The following NSUN4 variants were observed in gnomAD, a reference collection of about 807,000 sequenced individuals.
NSUN4 encodes the protein NOP2/Sun RNA methyltransferase 4.
NSUN4 carries 31 observed loss-of-function variants against 43.8 expected under a neutral mutation model. The observed-to-expected ratio is 0.71, with a 90% confidence interval of 0.53 to 0.96. NSUN4 has a LOEUF of 0.96. Ranked by LOEUF, NSUN4 falls within the 40% of genes least tolerant of loss-of-function variation. The probability of loss-of-function intolerance (pLI) is 0.00; values close to 1 mark genes in which losing one functional copy is unlikely to be tolerated. For synonymous variants in NSUN4, 167 were observed against 184.1 expected (o/e 0.91, Z 0.75); for missense variants, 439 against 475.6 (o/e 0.92, Z 0.72).
At chr1:46,341,384 G>C (rs1378260516) in intron 1 of NSUN4, 3 of 999,888 alleles carry the variant, frequency 3.0e-6, no homozygotes, top group African/African-American at 1.7e-5. Flanking sequence ...CTGGGTCTCC[G>C]CCGCCTTGCA....
At chr1:46,354,476 C>G (rs1455592308) in intron 4 of NSUN4, among the ~76,000 whole-genome samples, 1 of 152,010 alleles carries the variant, frequency 6.6e-6, no homozygotes, top group Non-Finnish European at 1.5e-5. Flanking sequence ...ACACATATTT[C>G]TAAAAATATA....
Position 46,364,141 on chromosome 1 carries a change from CAAAAAAAAA to C in NSUN4, c.*2306_*2314del, listed in dbSNP as rs35804070. 1 of 110,480 alleles carries C rather than the reference CAAAAAAAAA, an allele frequency of 9.1e-6. No individual in the cohort carries two copies. Among genetic ancestry groups the C allele is most frequent in the African/African-American group, 3.5e-5 (1 of 28,934 alleles). 6.8% of individuals were successfully genotyped at this position (110,480 alleles called of 1,614,324 possible). ...CAATGTAGTGAGACCTGGTCTTTAC[CAAAAAAAAA>C]AAAAAAAAAATTAGCTGGGTGCGCT... is the stretch of plus-strand genomic sequence containing the variant. On this transcript the variant is annotated 3_prime_UTR_variant, in exon 6 of 6. Transcript: ENST00000474844.
At chr1:46,370,534 G>A in the NSUN4 span, 1 of 147,692 alleles carries the variant, frequency 6.8e-6, no homozygotes, top group East Asian at 2.0e-4. Context: ...AATGTGCACA[G>A]AGGTGCTGTC....
intron 4 of NSUN4, among the ~76,000 whole-genome samples, chr1:46,354,891 GAACACCTGACCTC>G (rs1663259970): frequency 2.0e-5 from 3 of 151,902 alleles, no homozygotes; most frequent in Non-Finnish European, 4.4e-5. Flanking sequence ...GACTGGTCTC[GAACACCTGACCTC>G]AAGTGATCCA....
chr1:46,371,787 C>T, the NSUN4 span, among the ~76,000 whole-genome samples: 1 of 152,010 alleles, frequency 6.6e-6, no homozygotes, highest in Admixed American at 6.6e-5. Flanking sequence ...AGGCTTGTCA[C>T]ATGGCAAAAG....
the NSUN4 span, among the ~76,000 whole-genome samples, chr1:46,372,083 T>G: frequency 6.6e-6 from 1 of 152,032 alleles, no homozygotes; most frequent in African/African-American, 2.4e-5. Context: ...ACTAGTCTCT[T>G]TAGCAAACTG....
At position 46,342,082 on chromosome 1, in the gene NSUN4, C is replaced by T. The variant is rs150535635; in HGVS notation, c.93+1163C>T. ...CCGGGAACTTGCCTCACGATTTCAC[C>T]TCCTCTTGCTCGCCGGCCGGTGGAA... is the stretch of plus-strand genomic sequence containing the variant. On this transcript the variant is annotated intron_variant, in intron 1 of 5. Coordinates refer to ENST00000474844, the MANE Select transcript of NSUN4 (RefSeq NM_199044.4). 6.2e-5 allele frequency: 37 copies of T among 597,012 alleles called. No homozygotes were observed. In the African/African-American group the frequency reaches 6.7e-4, roughly 11 times the overall value. 37.0% of individuals were successfully genotyped at this position (597,012 alleles called of 1,614,324 possible). A position where few individuals can be genotyped will look rare whatever the true frequency, so the allele number is the denominator to read the frequency against.
Position 46,348,808 on chromosome 1 carries a change from G to GTTTTTT in NSUN4, c.592+1752_592+1757dup, listed in dbSNP as rs869234807. Among the ~76,000 whole-genome samples, 98 of 77,868 alleles carry GTTTTTT rather than the reference G, an allele frequency of 1.3e-3. 9 individuals are homozygous for GTTTTTT. The highest frequency in any genetic ancestry group is 2.5e-3 in the African/African-American group (48 of 19,294). The allele number at this position is 77,868 out of a possible 152,430, so 51.1% of individuals were successfully genotyped here. A position where few individuals can be genotyped will look rare whatever the true frequency, so the allele number is the denominator to read the frequency against. On this transcript the variant is annotated intron_variant, in intron 3 of 5. Transcript: ENST00000474844. The stretch of plus-strand genomic sequence containing the variant: ...TAGCCCAGCGAAGGCCTTGTGCACT[G>GTTTTTT]TTTTTTTTTTTTTTTTTTTTTTTTG...
chr1:46,344,024 T>C, intron 1 of NSUN4: 1 of 371,242 alleles, frequency 2.7e-6, no homozygotes, highest in Non-Finnish European at 4.8e-6. Context: ...GATTGCCAGC[T>C]ATAGCAAGCA....
At chr1:46,376,499 A>G in the NSUN4 span, among the ~76,000 whole-genome samples, 1 of 152,196 alleles carries the variant, frequency 6.6e-6, no homozygotes, top group African/African-American at 2.4e-5. Context: ...AATTACTTGA[A>G]AATTTTCACT....
Position 46,362,136 on chromosome 1 carries a change from A to G in NSUN4, c.*290A>G, listed in dbSNP as rs1473240638. On this transcript the variant is annotated 3_prime_UTR_variant, in exon 6 of 6. Transcript: ENST00000474844. ...GAAGGAGAAGCCAGTGAGCAGGCTC[A>G]CACTAAGTTGTAAACATAGGAGAAG... is the stretch of plus-strand genomic sequence containing the variant. 4.5e-6 allele frequency: 2 copies of G among 447,372 alleles called. No individual in the cohort carries two copies. The highest frequency in any genetic ancestry group is 8.1e-6 in the Non-Finnish European group (2 of 246,870). 27.7% of individuals were successfully genotyped at this position (447,372 alleles called of 1,614,324 possible). A position where few individuals can be genotyped will look rare whatever the true frequency, so the allele number is the denominator to read the frequency against.
At chr1:46,341,876 T>G (rs1662136218) in intron 1 of NSUN4, 1 of 1,232,910 alleles carries the variant, frequency 8.1e-7, no homozygotes, top group Non-Finnish European at 1.0e-6. Flanking sequence ...GCACGTACTG[T>G]GACCAGCACA....
chr1:46,342,802 A>G, intron 1 of NSUN4: 1 of 398,586 alleles, frequency 2.5e-6, no homozygotes, highest in Non-Finnish European at 4.4e-6. Context: ...ACTCCCCACA[A>G]ATGTCTCTCC....
At chr1:46,377,832 C>T in the NSUN4 span, among the ~76,000 whole-genome samples, 1 of 152,166 alleles carries the variant, frequency 6.6e-6, no homozygotes, top group Non-Finnish European at 1.5e-5. Context: ...TGAGGAAATT[C>T]AGGTACCGAG....
At chr1:46,341,684 T>G in intron 1 of NSUN4, 2 of 1,228,780 alleles carry the variant, frequency 1.6e-6, no homozygotes, top group Non-Finnish European at 1.0e-6. Flanking sequence ...GGAGATGGTC[T>G]TTTGAGTCCT....
the NSUN4 span, among the ~76,000 whole-genome samples, chr1:46,383,028 C>T: frequency 1.3e-5 from 2 of 152,198 alleles, no homozygotes; most frequent in African/African-American, 4.8e-5. Context: ...AATTCATCCC[C>T]CTCTGAAGCG....
chr1:46,357,355 G>T (rs2148406045), intron 4 of NSUN4, among the ~76,000 whole-genome samples: 1 of 152,170 alleles, frequency 6.6e-6, no homozygotes, highest in South Asian at 2.1e-4. Context: ...AATTTTTTTG[G>T]TATTTTTTGT....
chr1:46,342,426 A>G (rs1042246205), intron 1 of NSUN4: 2 of 398,874 alleles, frequency 5.0e-6, no homozygotes, highest in Non-Finnish European at 8.8e-6. Flanking sequence ...AGAGGCCTAC[A>G]TACCTACCCC....
the NSUN4 span, among the ~76,000 whole-genome samples, chr1:46,372,671 T>C: frequency 6.6e-6 from 1 of 152,200 alleles, no homozygotes; most frequent in Non-Finnish European, 1.5e-5. Context: ...CATAGAGCCC[T>C]GAGGCATGGA....
Sources: gnomAD v4.1 joint callset for allele counts (sites outside exome capture counted in the v4.1 genomes callset) on GRCh38, gnomAD v4.1.1 for gene constraint, MANE v1.5 for transcripts, NCBI Gene and HGNC (gene_info 2026-07-23, HGNC 2026-07-21) for gene names.